RSU1: variants seen among roughly 807,000 people sequenced by gnomAD.
RSU1 encodes Ras suppressor protein 1.
RSU1 carries 26 observed loss-of-function variants against 31.1 expected under a neutral mutation model. The ratio of observed to expected loss-of-function variants is 0.84; its 90% CI spans 0.61 to 1.16. RSU1 has a LOEUF of 1.16. RSU1 is among the 50% of genes most tolerant of loss of function. The pLI is 0.00. For synonymous variants in RSU1, 164 were observed against 136.3 expected, an observed-to-expected ratio of 1.20 and a Z score of -1.41; for missense variants, 320 against 339.1, an observed-to-expected ratio of 0.94 and a Z score of 0.44.
At chr10:16,632,655 CAG>C (rs2131492255) in intron 8 of RSU1, among the ~76,000 whole-genome samples, 1 of 152,238 alleles carries the variant, frequency 6.6e-6, no homozygotes, top group East Asian at 1.9e-4. Flanking sequence ...ACCCTAAAGA[CAG>C]GCCGAGTGTG....
chr10:16,693,845 A>C (rs1055050527), intron 8 of RSU1, among the ~76,000 whole-genome samples: 1 of 152,202 alleles, frequency 6.6e-6, no homozygotes, highest in Non-Finnish European at 1.5e-5. Flanking sequence ...CCAGCAATAC[A>C]GTGAGACCCT....
rs553893755 is a variant in RSU1, at chr10:16,593,061, T to A, written c.*333A>T. 86 of 193,744 alleles carry A rather than the reference T, an allele frequency of 4.4e-4. 1 individual carries two copies. In the South Asian group the frequency reaches 8.2e-3, roughly 18 times the overall value. The allele number at this position is 193,744 out of a possible 1,614,324, so 12.0% of individuals were successfully genotyped here. A position where few individuals can be genotyped will look rare whatever the true frequency, so the allele number is the denominator to read the frequency against. ...TAACAGTGACATTTAAATGGTTACA[T>A]GATTTTAATTATTCTTTTGATAATA... On this transcript the variant is annotated 3_prime_UTR_variant, in exon 9 of 9. Transcript: ENST00000345264.
intron 8 of RSU1, among the ~76,000 whole-genome samples, chr10:16,690,625 G>A (rs1235524392): frequency 1.3e-5 from 2 of 152,082 alleles, no homozygotes; most frequent in African/African-American, 4.8e-5. Flanking sequence ...AAGTATCCAT[G>A]TCTCCTCTTG....
intron 3 of RSU1, among the ~76,000 whole-genome samples, chr10:16,773,583 G>A (rs1485132474): frequency 6.6e-6 from 1 of 152,312 alleles, no homozygotes; most frequent in East Asian, 1.9e-4. Context: ...CTTGGAAGCT[G>A]TACAGAAAGC....
Position 16,781,746 on chromosome 10 carries a change from G to A in RSU1, c.160+288C>T, listed in dbSNP as rs74116715. On this transcript the variant is annotated intron_variant, in intron 3 of 8. Transcript: ENST00000345264. ...TCATGCCTGTAATCCCAGCCCTTTGGGAGGCCAAGGCAGGACGATCGCTTG... is the reference window on the plus strand; with the variant it reads ...TCATGCCTGTAATCCCAGCCCTTTGAGAGGCCAAGGCAGGACGATCGCTTG... 7.9e-3 allele frequency among the ~76,000 whole-genome samples: 1,199 copies of A among 152,214 alleles called. 26 individuals carry two copies. The highest frequency in any genetic ancestry group is 0.027 in the African/African-American group (1,108 of 41,518).
At chr10:16,625,790 A>G (rs1834147874) in intron 8 of RSU1, among the ~76,000 whole-genome samples, 1 of 152,212 alleles carries the variant, frequency 6.6e-6, no homozygotes, top group South Asian at 2.1e-4. Context: ...ATTCTGGTCT[A>G]AGGAGTAGGA....
intron 2 of RSU1, among the ~76,000 whole-genome samples, chr10:16,792,220 A>G (rs989855402): frequency 2.0e-5 from 3 of 152,176 alleles, no homozygotes; most frequent in Non-Finnish European, 4.4e-5. Context: ...GGCCTTTGCT[A>G]TCTGCAAAGG....
intron 8 of RSU1, among the ~76,000 whole-genome samples, chr10:16,678,096 C>G (rs1392774758): frequency 6.6e-6 from 1 of 152,166 alleles, no homozygotes; most frequent in Non-Finnish European, 1.5e-5. Flanking sequence ...TATTTCAAAC[C>G]CTCATGCCCT....
chr10:16,612,707 CTGTTA>C (rs1479273590), intron 8 of RSU1, among the ~76,000 whole-genome samples: 1 of 152,204 alleles, frequency 6.6e-6, no homozygotes, highest in African/African-American at 2.4e-5. Flanking sequence ...GTTCCTTGCT[CTGTTA>C]TATTTCAGGA....
At chr10:16,724,563 G>A (rs1836344932) in intron 7 of RSU1, among the ~76,000 whole-genome samples, 1 of 152,202 alleles carries the variant, frequency 6.6e-6, no homozygotes, top group Non-Finnish European at 1.5e-5. Flanking sequence ...AAGAAAAGGG[G>A]CAGCAGTGGG....
At chr10:16,603,064 C>T (rs1254816225) in intron 8 of RSU1, among the ~76,000 whole-genome samples, 1 of 152,020 alleles carries the variant, frequency 6.6e-6, no homozygotes, top group Non-Finnish European at 1.5e-5. Context: ...TGAGATCAAA[C>T]CTCCAAGAGA....
At chr10:16,661,805 G>T in intron 8 of RSU1, among the ~76,000 whole-genome samples, 1 of 152,096 alleles carries the variant, frequency 6.6e-6, no homozygotes, top group East Asian at 1.9e-4. Flanking sequence ...TCCTTACATG[G>T]GCATTGCTAT....
chr10:16,701,530 A>C (rs1266847426), intron 7 of RSU1, among the ~76,000 whole-genome samples: 1 of 152,198 alleles, frequency 6.6e-6, no homozygotes, highest in Non-Finnish European at 1.5e-5. Flanking sequence ...CTGTACATTT[A>C]ATGCATGCAT....
At chr10:16,768,636 A>C (rs1837367034) in intron 3 of RSU1, among the ~76,000 whole-genome samples, 1 of 152,180 alleles carries the variant, frequency 6.6e-6, no homozygotes, top group Non-Finnish European at 1.5e-5. Flanking sequence ...CCCAGAGACA[A>C]ATCTCAAAGT....
chr10:16,637,280 G>A (rs11254119), intron 8 of RSU1, among the ~76,000 whole-genome samples: 54,444 of 151,982 alleles, frequency 0.36, 10,371 homozygotes, highest in East Asian at 0.43. Flanking sequence ...ACATGCCACT[G>A]TGAGTGTAAA....
intron 7 of RSU1, among the ~76,000 whole-genome samples, chr10:16,729,786 T>C (rs1042440481): frequency 1.1e-4 from 16 of 152,216 alleles, no homozygotes; most frequent in African/African-American, 3.9e-4. Flanking sequence ...GTACCTTCCA[T>C]GCCCCTGGTG....
chr10:16,715,134 C>G (rs566906728), intron 7 of RSU1, among the ~76,000 whole-genome samples: 1 of 152,198 alleles, frequency 6.6e-6, no homozygotes, highest in African/African-American at 2.4e-5. Context: ...TCCCCTAGTG[C>G]GGTCCAGCAT....
At position 16,645,877 on chromosome 10, in the gene RSU1, TGTGTATATAC is replaced by T. The variant is rs1564298131; in HGVS notation, c.731+49136_731+49145del. ...AAATATATACGTATATATACATATA[TGTGTATATAC>T]ATATATGTATATACACATATATGTA... On this transcript the variant is annotated intron_variant, in intron 8 of 8. Coordinates refer to ENST00000345264, the MANE Select transcript of RSU1 (RefSeq NM_012425.4). Among the ~76,000 whole-genome samples, 130 of 108,084 alleles carry T rather than the reference TGTGTATATAC, an allele frequency of 1.2e-3. 26 individuals carry two copies. Among genetic ancestry groups the T allele is most frequent in the African/African-American group, 6.7e-3 (125 of 18,692 alleles). The allele number at this position is 108,084 out of a possible 152,430, so 70.9% of individuals were successfully genotyped here.
chr10:16,700,987 G>A (rs1160516835), intron 7 of RSU1, among the ~76,000 whole-genome samples: 1 of 152,164 alleles, frequency 6.6e-6, no homozygotes, highest in African/African-American at 2.4e-5. Context: ...ATGTTTATGT[G>A]TAAAAGAAGA....
Sources: allele counts gnomAD v4.1 joint callset (sites outside exome capture counted in the v4.1 genomes callset), GRCh38; gene constraint gnomAD v4.1.1; transcripts MANE v1.5; gene names NCBI Gene and HGNC (gene_info 2026-07-23, HGNC 2026-07-21).